The following BAZ1A variants were observed in gnomAD, a reference collection of about 807,000 sequenced individuals.
BAZ1A encodes the protein bromodomain adjacent to zinc finger domain protein 1A.
A neutral mutation model predicts 185.2 loss-of-function variants in BAZ1A; 50 were observed. That is an observed-to-expected ratio of 0.27 (90% CI 0.22 to 0.34). BAZ1A has a LOEUF of 0.34. Ranked by LOEUF, BAZ1A falls within the 10% of genes least tolerant of loss-of-function variation. The probability of loss-of-function intolerance (pLI) is 1.00; values close to 1 mark genes in which losing one functional copy is unlikely to be tolerated. For missense variants in BAZ1A, 1,356 were observed against 1,839.9 expected, an observed-to-expected ratio of 0.74 and a Z score of 4.81; for synonymous variants, 571 against 615.6, an observed-to-expected ratio of 0.93 and a Z score of 1.07.
intron 2 of BAZ1A, among the ~76,000 whole-genome samples, chr14:34,862,579 T>G (rs2042785992): frequency 6.6e-6 from 1 of 152,130 alleles, no homozygotes; most frequent in Admixed American, 6.5e-5. Flanking sequence ...GAGTTCCATC[T>G]GCTTTTCAGT....
chr14:34,758,669 A>G, intron 25 of BAZ1A, 35 bp downstream of exon 25: 1 of 1,601,682 alleles, frequency 6.2e-7, no homozygotes, highest in Non-Finnish European at 8.5e-7. Context: ...ATCAGATAAT[A>G]TACAGGAATA....
In BAZ1A at chr14:34,776,292, A is replaced by T. The variant is rs1879598264; in HGVS notation, c.2460T>A (p.Ile820=). 1.2e-6 allele frequency: 2 copies of T among 1,613,738 alleles called. No homozygotes were observed. The highest frequency in any genetic ancestry group is 2.2e-5 in the South Asian group (2 of 91,090). Reference sequence around the variant, plus strand: ...AATCCTCTTCAATAAAGAGTCCAGGAATAGAAGGGAAAATCCAGTATCGTC... The same window carrying T: ...AATCCTCTTCAATAAAGAGTCCAGGTATAGAAGGGAAAATCCAGTATCGTC... ...MYRRYWIFPS[I]PGLFIEEDYS... is the part of the protein sequence containing the mutation. The change falls in exon 18 of 27, where the codon ATT becomes ATA. Residue 820 remains isoleucine (I), a synonymous_variant. Coordinates refer to ENST00000360310, the MANE Select transcript of BAZ1A (RefSeq NM_013448.3).
intron 3 of BAZ1A, among the ~76,000 whole-genome samples, chr14:34,845,852 T>A (rs1289577333): frequency 8.4e-6 from 1 of 119,310 alleles, no homozygotes; most frequent in Non-Finnish European, 1.7e-5. Flanking sequence ...AGAGCAAGAC[T>A]CTGTCTCAAA....
chr14:34,791,938 C>T (rs1164825768), intron 12 of BAZ1A, among the ~76,000 whole-genome samples: 1 of 152,218 alleles, frequency 6.6e-6, no homozygotes, highest in African/African-American at 2.4e-5. Context: ...GTACCATACA[C>T]TGACTCCAGA....
chr14:34,841,795 C>T (rs1189823258), intron 3 of BAZ1A, among the ~76,000 whole-genome samples: 2 of 152,142 alleles, frequency 1.3e-5, no homozygotes, highest in Non-Finnish European at 2.9e-5. Context: ...CAAATATAAA[C>T]ACCAATATAA....
At position 34,765,038 on chromosome 14, in the gene BAZ1A, C is replaced by T; in HGVS notation, c.3532G>A (p.Val1178Ile). The change falls in exon 22 of 27, where the codon GTT becomes ATT. Residue 1178 changes from valine (V) to isoleucine (I), a missense_variant. By Grantham distance (29) the Val-to-Ile change is conservative (BLOSUM62 3). Around this residue, in one of 7 missense-constraint regions of BAZ1A, gnomAD observed 309 missense variants for 355.3 expected, o/e 0.87. Transcript: ENST00000360310. ...AAAAATACCTTGAGCTTTGGTCGAACACAGTAGGTATGATGACCCCTATCA... is the reference window on the plus strand; with the variant it reads ...AAAAATACCTTGAGCTTTGGTCGAATACAGTAGGTATGATGACCCCTATCA... Reference protein sequence around the residue: ...GCDRGHHTYCVRPKLKTVPEG... With the variant: ...GCDRGHHTYCIRPKLKTVPEG... The T allele has an allele frequency of 6.2e-7, 1 of 1,614,130 alleles. No individual in the cohort carries two copies. The highest frequency in any genetic ancestry group is 8.5e-7 in the Non-Finnish European group (1 of 1,180,000).
intron 2 of BAZ1A, among the ~76,000 whole-genome samples, chr14:34,862,626 A>G (rs2042786638): frequency 6.6e-6 from 1 of 152,116 alleles, no homozygotes; most frequent in African/African-American, 2.4e-5. Flanking sequence ...ACAAGAAAAA[A>G]GCTAAATAAA....
At chr14:34,799,940 T>G (rs1446112985) in intron 9 of BAZ1A, among the ~76,000 whole-genome samples, 2 of 152,156 alleles carry the variant, frequency 1.3e-5, no homozygotes, top group Admixed American at 6.5e-5. Context: ...GTATTTTACC[T>G]CTTAAAGGTT....
intron 9 of BAZ1A, among the ~76,000 whole-genome samples, chr14:34,797,824 G>GAAGCAGGGCGAGCCA (rs1188435227): frequency 2.0e-5 from 3 of 152,128 alleles, no homozygotes; most frequent in South Asian, 2.1e-4. Context: ...AGGGCGAGCC[G>GAAGCAGGGCGAGCCA]AAGCAGGGCG....
At chr14:34,766,395 T>C (rs926915681) in intron 21 of BAZ1A, among the ~76,000 whole-genome samples, 5 of 152,104 alleles carry the variant, frequency 3.3e-5, no homozygotes, top group African/African-American at 1.2e-4. Flanking sequence ...GTTAAAACCA[T>C]AAAGCAGAGA....
rs1318404587 is a variant in BAZ1A, at chr14:34,874,590, G to A, written c.15C>T (p.His5=). Residue 5 remains histidine (H), a synonymous_variant, in exon 2 of 27, where the codon CAC becomes CAT. Coordinates refer to ENST00000360310, the MANE Select transcript of BAZ1A (RefSeq NM_013448.3). This position sits in a 1 kb window ranked among gnomAD's most constrained non-coding sequence, Gnocchi z 4.7. ...GCTTCTGTCTCACAAACGGCTTTCG[G>A]TGTAGCAGCGGCATCTCCCGTCCGC... MPLL[H]RKPFVRQKPP... is the part of the protein sequence containing the mutation. 1 of 1,608,524 alleles carries A rather than the reference G, an allele frequency of 6.2e-7. No individual in the cohort carries two copies. Among genetic ancestry groups the A allele is most frequent in the Non-Finnish European group, 8.5e-7 (1 of 1,177,466 alleles).
chr14:34,826,499 T>C (rs1322566926), intron 3 of BAZ1A, among the ~76,000 whole-genome samples: 4 of 152,222 alleles, frequency 2.6e-5, no homozygotes, highest in Non-Finnish European at 5.9e-5. Flanking sequence ...TAAGGATTTA[T>C]AGCTACAAAC....
intron 4 of BAZ1A, among the ~76,000 whole-genome samples, chr14:34,813,796 T>C (rs1261837134): frequency 1.3e-5 from 2 of 152,044 alleles, no homozygotes; most frequent in Non-Finnish European, 2.9e-5. Context: ...TCCCAGCACC[T>C]TGGGAGGCTG....
chr14:34,774,240 C>G, intron 19 of BAZ1A, 87 bp downstream of exon 19: 1 of 1,057,462 alleles, frequency 9.5e-7, no homozygotes, highest in Non-Finnish European at 1.3e-6. Flanking sequence ...AACACATATG[C>G]CTTGTCTATG....
intron 9 of BAZ1A, among the ~76,000 whole-genome samples, chr14:34,798,955 T>C (rs1177362291): frequency 6.6e-6 from 1 of 152,086 alleles, no homozygotes; most frequent in Non-Finnish European, 1.5e-5. Flanking sequence ...TGTGGCACTA[T>C]TCACAATAGC....
chr14:34,761,046 AGGTG>A (rs982054354), intron 24 of BAZ1A, among the ~76,000 whole-genome samples: 7 of 152,098 alleles, frequency 4.6e-5, no homozygotes, highest in Admixed American at 4.6e-4. Context: ...TGGGATGCCG[AGGTG>A]GGTGGATCAC....
chr14:34,808,457 T>G (rs1455224400), intron 5 of BAZ1A, among the ~76,000 whole-genome samples: 2 of 152,056 alleles, frequency 1.3e-5, no homozygotes, highest in African/African-American at 4.8e-5. Flanking sequence ...GAGATCGTGC[T>G]GCTGCACTCT....
At position 34,759,224 on chromosome 14, in the gene BAZ1A, A is replaced by C. The variant is rs1023101532; in HGVS notation, c.4244-378T>G. Among the ~76,000 whole-genome samples, 3 of 112,212 alleles carry C rather than the reference A, an allele frequency of 2.7e-5. No individual in the cohort carries two copies. In the Admixed American group the frequency reaches 4.3e-4, roughly 16 times the overall value. 73.6% of individuals were successfully genotyped at this position (112,212 alleles called of 152,430 possible). A position where few individuals can be genotyped will look rare whatever the true frequency, so the allele number is the denominator to read the frequency against. On this transcript the variant is annotated intron_variant, in intron 24 of 26. Coordinates refer to ENST00000360310, the MANE Select transcript of BAZ1A (RefSeq NM_013448.3). ...GAGATGGAGTCTCGCTCTGTCACCCAGGCTGGAGTGCAGTGTCGCGATCTT... is the reference window on the plus strand; with the variant it reads ...GAGATGGAGTCTCGCTCTGTCACCCCGGCTGGAGTGCAGTGTCGCGATCTT...
rs1285013551 is a variant in BAZ1A at position 34,793,855 on chromosome 14, T to C, written c.1363+894A>G. ...CTACTTGGGAGGCTGAGGCAGTGAA[T>C]TGCTTGAACCCCGGAGGTGGAGGTT... On this transcript the variant is annotated intron_variant, in intron 11 of 26. Transcript: ENST00000360310. 4.0e-5 allele frequency among the ~76,000 whole-genome samples: 6 copies of C among 151,798 alleles called. No individual in the cohort carries two copies. In the South Asian group the frequency reaches 6.2e-4, roughly 16 times the overall value.
Sources: allele counts gnomAD v4.1 joint callset (sites outside exome capture counted in the v4.1 genomes callset), GRCh38; gene constraint gnomAD v4.1.1; regional missense constraint gnomAD v4.1.1; non-coding constraint Gnocchi (gnomAD v3.1); transcripts MANE v1.5; gene names NCBI Gene and HGNC (gene_info 2026-07-23, HGNC 2026-07-21).